Variants in INPP5B observed in about 807,000 individuals in gnomAD.
INPP5B encodes type II inositol 1,4,5-trisphosphate 5-phosphatase.
In INPP5B, 90 loss-of-function variants were observed where a neutral mutation model predicts 118.5. That is an observed-to-expected ratio of 0.76 (90% CI 0.64 to 0.90). The LOEUF is 0.90. Among genes scored for constraint, INPP5B ranks in the 40% least tolerant of loss-of-function variants. The pLI is 0.00. For missense variants in INPP5B, 984 were observed against 1,125.6 expected (o/e 0.87, Z 1.80); for synonymous variants, 385 against 418.9 (o/e 0.92, Z 0.99).
chr1:37,916,085 G>T (rs980723532), intron 7 of INPP5B, among the ~76,000 whole-genome samples: 1 of 151,950 alleles, frequency 6.6e-6, no homozygotes, highest in Non-Finnish European at 1.5e-5. Flanking sequence ...ATTGGTGTCT[G>T]GGTTTTTCTT....
At chr1:37,873,303 A>T in intron 18 of INPP5B, 138 bp from the exon 19 acceptor site, 1 of 645,112 alleles carries the variant, frequency 1.6e-6, no homozygotes, top group South Asian at 1.8e-5. Context: ...CAAGCATCCA[A>T]ATGTGCTTGG....
chr1:37,946,452 G>A (rs1282898607), intron 1 of INPP5B, 118 bp from the exon 2 acceptor site: 13 of 685,338 alleles, frequency 1.9e-5, no homozygotes, highest in African/African-American at 3.6e-5. Flanking sequence ...AGATGGTACC[G>A]GGGAGGCCTG....
In INPP5B at chr1:37,946,237, G is replaced by C; in HGVS notation, c.57+15C>G. 1 of 1,607,082 alleles carries C rather than the reference G, an allele frequency of 6.2e-7. No homozygotes were observed. Among genetic ancestry groups the C allele is most frequent in the Non-Finnish European group, 8.5e-7 (1 of 1,176,462 alleles). ...CAGGGCAGGCTCAGGGCCGCAGTTAGCACAGGAAGGATATGATGACGCAGT... is the reference window on the plus strand; with the variant it reads ...CAGGGCAGGCTCAGGGCCGCAGTTACCACAGGAAGGATATGATGACGCAGT... On this transcript the variant is annotated intron_variant, in intron 2 of 23. Transcript: ENST00000373024.
intron 7 of INPP5B, among the ~76,000 whole-genome samples, chr1:37,901,281 C>T (rs1440532511): frequency 1.3e-5 from 2 of 152,172 alleles, no homozygotes; most frequent in Non-Finnish European, 2.9e-5. Flanking sequence ...TGACGTCCAG[C>T]TCTACTACTA....
chr1:37,908,909 C>T (rs186282102), intron 7 of INPP5B, among the ~76,000 whole-genome samples: 1 of 152,300 alleles, frequency 6.6e-6, no homozygotes, highest in East Asian at 1.9e-4. Flanking sequence ...TATGGGCAAC[C>T]TTCCACTCGC....
chr1:37,908,791 A>G (rs9724966), intron 7 of INPP5B, among the ~76,000 whole-genome samples: 203 of 152,162 alleles, frequency 1.3e-3, no homozygotes, highest in African/African-American at 4.7e-3. Flanking sequence ...GTGGCAAGTC[A>G]ATTGCAGGGA....
At chr1:37,888,178 C>A (rs1036366405) in intron 10 of INPP5B, 65 bp downstream of exon 10, 28 of 991,852 alleles carry the variant, frequency 2.8e-5, no homozygotes, top group Middle Eastern at 2.9e-4. Flanking sequence ...GTTGTGAAGA[C>A]CCATCCTTCA....
Position 37,885,659 on chromosome 1 carries a change from G to A in INPP5B, c.1298C>T (p.Pro433Leu), listed in dbSNP as rs766289270. The change falls in exon 13 of 24, where the codon CCT becomes CTT. Residue 433 changes from proline (P) to leucine (L), a missense_variant. Transcript: ENST00000373024. Reference sequence around the variant, plus strand: ...TCACTCATGGTTGCTGATGGTGAGAGGGGGAAGGCTTGGGTCAGGCTGACA... The same window carrying A: ...TCACTCATGGTTGCTGATGGTGAGAAGGGGAAGGCTTGGGTCAGGCTGACA... ...QFCQPDPSLP[P>L]LTISNHDVIL... 15 of 1,613,762 alleles carry A rather than the reference G, an allele frequency of 9.3e-6. No individual in the cohort carries two copies. In the Admixed American group the frequency reaches 2.3e-4, roughly 25 times the overall value.
Position 37,889,709 on chromosome 1 carries a change from C to T in INPP5B, c.645G>A (p.Lys215=). 6.2e-7 allele frequency: 1 copy of T among 1,611,490 alleles called. No individual in the cohort carries two copies. Among genetic ancestry groups the T allele is most frequent in the Non-Finnish European group, 8.5e-7 (1 of 1,178,994 alleles). Residue 215 remains lysine, a synonymous_variant, in exon 9 of 24, where the codon AAG becomes AAA. Coordinates refer to ENST00000373024, the MANE Select transcript of INPP5B (RefSeq NM_005540.3). ...ESLQPRQNKS[K]SEITDMVRSS... is the part of the protein sequence containing the mutation. ...AGCGAACCATGTCAGTAATTTCGGACTTGGATTTATTCTGTCTGGAAAAAC... is the reference window on the plus strand; with the variant it reads ...AGCGAACCATGTCAGTAATTTCGGATTTGGATTTATTCTGTCTGGAAAAAC...
intron 16 of INPP5B, among the ~76,000 whole-genome samples, chr1:37,876,914 A>G (rs541546750): frequency 6.6e-6 from 1 of 151,544 alleles, no homozygotes; most frequent in Non-Finnish European, 1.5e-5. Context: ...TGACACACAC[A>G]TACAGGCATG....
At chr1:37,880,616 T>C (rs1052065838) in intron 14 of INPP5B, among the ~76,000 whole-genome samples, 4 of 152,128 alleles carry the variant, frequency 2.6e-5, no homozygotes, top group African/African-American at 9.7e-5. Flanking sequence ...TTTTGTATTT[T>C]TAGTAGAGAC....
At chr1:37,908,508 C>T (rs1484369758) in intron 7 of INPP5B, among the ~76,000 whole-genome samples, 1 of 150,544 alleles carries the variant, frequency 6.6e-6, no homozygotes, top group Non-Finnish European at 1.5e-5. Context: ...GGCTAAGAGG[C>T]GGGAGGATAG....
At chr1:37,939,194 C>CAAAA (rs34249747) in intron 6 of INPP5B, among the ~76,000 whole-genome samples, 1 of 73,034 alleles carries the variant, frequency 1.4e-5, no homozygotes, top group Non-Finnish European at 2.6e-5. Context: ...AACTCCGTCT[C>CAAAA]AAAAAAAAAA....
chr1:37,926,103 G>A (rs1361287142), intron 7 of INPP5B, among the ~76,000 whole-genome samples: 1 of 152,062 alleles, frequency 6.6e-6, no homozygotes, highest in Non-Finnish European at 1.5e-5. Context: ...CCACCCCGGG[G>A]GCTATTTTGC....
intron 13 of INPP5B, among the ~76,000 whole-genome samples, chr1:37,884,568 C>T (rs888504241): frequency 4.6e-5 from 7 of 152,138 alleles, no homozygotes; most frequent in African/African-American, 1.7e-4. Flanking sequence ...CAGGCATGAA[C>T]TACTGCACCC....
At chr1:37,917,924 A>G (rs917355929) in intron 7 of INPP5B, among the ~76,000 whole-genome samples, 5 of 152,032 alleles carry the variant, frequency 3.3e-5, no homozygotes, top group Admixed American at 3.3e-4. Flanking sequence ...TGAGCTCAGC[A>G]CCTCCACCAT....
chr1:37,925,532 C>CG (rs1557705399), intron 7 of INPP5B, among the ~76,000 whole-genome samples: 1 of 152,140 alleles, frequency 6.6e-6, no homozygotes. Flanking sequence ...ACCACTGTGC[C>CG]GGGCTAACAG....
chr1:37,941,958 A>AAAAAAAAATATATATAT (rs1427344681), intron 5 of INPP5B: 1 of 30,384 alleles, frequency 3.3e-5, no homozygotes, highest in Non-Finnish European at 6.6e-5. Context: ...AAAAAAAAAA[A>AAAAAAAAATATATATAT]ATATATATAT....
chr1:37,936,421 G>C (rs1175014055), intron 6 of INPP5B, among the ~76,000 whole-genome samples: 5 of 152,106 alleles, frequency 3.3e-5, no homozygotes, highest in African/African-American at 1.2e-4. Flanking sequence ...AGGAGTTTGA[G>C]ACCATCCTGG....
Sources: gnomAD v4.1 joint callset for allele counts (sites outside exome capture counted in the v4.1 genomes callset) on GRCh38, gnomAD v4.1.1 for gene constraint, MANE v1.5 for transcripts, NCBI Gene and HGNC (gene_info 2026-07-23, HGNC 2026-07-21) for gene names.